PRR14L: variants seen among roughly 807,000 people sequenced by gnomAD.
PRR14L encodes the protein proline rich 14 like, also known as protein PRR14L.
PRR14L carries 80 observed loss-of-function variants against 155.0 expected under a neutral mutation model. That is an observed-to-expected ratio of 0.52 (90% CI 0.43 to 0.62). The LOEUF (loss-of-function observed/expected upper bound fraction) is 0.62, where lower values mean the gene tolerates loss of function less well. Ranked by LOEUF, PRR14L falls within the 20% of genes least tolerant of loss-of-function variation. The probability of loss-of-function intolerance (pLI) is 0.00; values close to 1 mark genes in which losing one functional copy is unlikely to be tolerated. For synonymous variants in PRR14L, 883 were observed against 916.0 expected (o/e 0.96, Z 0.65); for missense variants, 2,469 against 2,548.0 (o/e 0.97, Z 0.67).
At chr22:31,687,674 T>C (rs1028835871) in intron 8 of PRR14L, among the ~76,000 whole-genome samples, 11 of 151,190 alleles carry the variant, frequency 7.3e-5, no homozygotes, top group Non-Finnish European at 1.0e-4. Flanking sequence ...CGTAACCCAA[T>C]ACACTTTATT....
Position 31,683,312 on chromosome 22 carries a change from A to G in PRR14L, c.*2215T>C, listed in dbSNP as rs757243603. ...GGAAACATAGCCGCCACATCACTGC[A>G]TCTATACTGGCAACAGAGCTGGCAA... On this transcript the variant is annotated 3_prime_UTR_variant, in exon 9 of 9. Coordinates refer to ENST00000327423, the MANE Select transcript of PRR14L (RefSeq NM_173566.3). 2.6e-5 allele frequency: 4 copies of G among 152,268 alleles called. No homozygotes were observed. The highest frequency in any genetic ancestry group is 4.4e-5 in the Non-Finnish European group (3 of 68,070). 9.4% of individuals were successfully genotyped at this position (152,268 alleles called of 1,614,324 possible).
chr22:31,739,116 A>G (rs996314830), intron 1 of PRR14L, among the ~76,000 whole-genome samples: 1 of 152,256 alleles, frequency 6.6e-6, no homozygotes, highest in Non-Finnish European at 1.5e-5. Flanking sequence ...ACAGCTCTCA[A>G]TCAAATCTCA....
rs1454764705 is a variant in PRR14L at position 31,738,377 on chromosome 22, C to T, written c.474+10G>A. 1 of 1,547,732 alleles carries T rather than the reference C, an allele frequency of 6.5e-7. No homozygotes were observed. Among genetic ancestry groups the T allele is most frequent in the East Asian group, 2.4e-5 (1 of 40,880 alleles). On this transcript the variant is annotated intron_variant, in intron 2 of 8. Coordinates refer to ENST00000327423, the MANE Select transcript of PRR14L (RefSeq NM_173566.3). ...ACTCAACTCTTCGGAATGGAGATTT[C>T]ATTTCTTACCTGACTCGGGCTAGTC...
At chr22:31,719,733 G>C (rs1180956953) in intron 3 of PRR14L, among the ~76,000 whole-genome samples, 1 of 150,068 alleles carries the variant, frequency 6.7e-6, no homozygotes, top group Non-Finnish European at 1.5e-5. Context: ...TCATGGCTCT[G>C]TGACACTTTT....
intron 7 of PRR14L, among the ~76,000 whole-genome samples, chr22:31,692,651 T>C (rs1357410541): frequency 6.6e-6 from 1 of 151,880 alleles, no homozygotes; most frequent in African/African-American, 2.4e-5. Context: ...TGGGAGAGAG[T>C]TGGGCAGGGG....
Position 31,713,916 on chromosome 22 carries a change from G to A in PRR14L, c.3923C>T (p.Ala1308Val), listed in dbSNP as rs1287154884. ...CTCGTGAGGGTGACAAGCTTTGCAA[G>A]CATTCTTTTCCACACAGGTACATAC... ...DSVCTCVEKN[A>V]CKACHPHENS... Residue 1308 changes from alanine (A) to valine (V), a missense_variant, in exon 4 of 9, where the codon GCT becomes GTT. Around this residue, in one of 2 missense-constraint regions of PRR14L, gnomAD observed 2,363 missense variants for 2,371.6 expected, o/e 1.00. Coordinates refer to ENST00000327423, the MANE Select transcript of PRR14L (RefSeq NM_173566.3). The A allele has an allele frequency of 2.6e-6, 4 of 1,551,900 alleles. No homozygotes were observed. Among genetic ancestry groups the A allele is most frequent in the Admixed American group, 3.9e-5 (2 of 51,000 alleles).
Position 31,722,241 on chromosome 22 carries a change from C to CTCAACTCAACT in PRR14L, c.547+3296_547+3297insAGTTGAGTTGA, listed in dbSNP as rs574515914. ...GGTCAGGAGTTTGAGACAAGTCTGG[C>CTCAACTCAACT]CAACATGGTAAAACTCCGTCTCTAC... On this transcript the variant is annotated intron_variant, in intron 3 of 8. Coordinates refer to ENST00000327423, the MANE Select transcript of PRR14L (RefSeq NM_173566.3). 4.3e-3 allele frequency among the ~76,000 whole-genome samples: 655 copies of CTCAACTCAACT among 151,716 alleles called. 8 individuals are homozygous for CTCAACTCAACT. The highest frequency in any genetic ancestry group is 0.015 in the African/African-American group (624 of 41,402).
chr22:31,734,415 T>C (rs1260960116), intron 2 of PRR14L, among the ~76,000 whole-genome samples: 1 of 152,246 alleles, frequency 6.6e-6, no homozygotes, highest in African/African-American at 2.4e-5. Context: ...GACTGTGGGA[T>C]ATTTTGTCAA....
chr22:31,746,808 T>G (rs1449543425), intron 1 of PRR14L, among the ~76,000 whole-genome samples: 1 of 150,596 alleles, frequency 6.6e-6, no homozygotes, highest in African/African-American at 2.4e-5. Context: ...TTTTTTTTTT[T>G]TTTTTTGAGA....
chr22:31,747,521 T>C, intron 1 of PRR14L, among the ~76,000 whole-genome samples: 1 of 149,374 alleles, frequency 6.7e-6, no homozygotes, highest in East Asian at 2.0e-4. Context: ...GAAAGTTAAG[T>C]GAACTTTCCC....
intron 3 of PRR14L, among the ~76,000 whole-genome samples, chr22:31,723,074 C>T (rs1023443839): frequency 6.6e-6 from 1 of 152,138 alleles, no homozygotes; most frequent in Non-Finnish European, 1.5e-5. Context: ...GAGCCTGCTT[C>T]CTCACATGCA....
At chr22:31,746,698 A>G (rs1459093782) in intron 1 of PRR14L, among the ~76,000 whole-genome samples, 1 of 152,202 alleles carries the variant, frequency 6.6e-6, no homozygotes, top group African/African-American at 2.4e-5. Context: ...AGGAAGTATG[A>G]AAATTATTAT....
rs781402409 is a variant in PRR14L, at chr22:31,712,388, G to A, written c.5451C>T (p.Val1817=). The part of the protein sequence containing the change: ...AIVQTRADCS[V]LGLHTLLALC... ...GTGCTAGAAGTGTGTGAAGGCCAAGGACAGAGCAGTCTGCTCTGGTCTGGA... is the reference window on the plus strand; with the variant it reads ...GTGCTAGAAGTGTGTGAAGGCCAAGAACAGAGCAGTCTGCTCTGGTCTGGA... The change falls in exon 4 of 9, where the codon GTC becomes GTT. Residue 1817 remains valine, a synonymous_variant. Coordinates refer to ENST00000327423, the MANE Select transcript of PRR14L (RefSeq NM_173566.3). 4 of 1,605,766 alleles carry A rather than the reference G, an allele frequency of 2.5e-6. No homozygotes were observed. The East Asian group carries it at 6.7e-5, about 27-fold the overall frequency.
At chr22:31,704,094 G>A (rs977206716) in intron 5 of PRR14L, among the ~76,000 whole-genome samples, 4 of 152,140 alleles carry the variant, frequency 2.6e-5, no homozygotes, top group Non-Finnish European at 5.9e-5. Flanking sequence ...ACCACGCCCA[G>A]CCTCAACTTC....
intron 2 of PRR14L, among the ~76,000 whole-genome samples, chr22:31,726,759 C>T (rs1007689589): frequency 6.6e-6 from 1 of 152,132 alleles, no homozygotes; most frequent in African/African-American, 2.4e-5. Context: ...CACCTACTAA[C>T]TACATGGTGC....
chr22:31,713,142 C>T lies in PRR14L; in HGVS notation c.4697G>A (p.Ser1566Asn). 1.3e-6 allele frequency: 2 copies of T among 1,552,066 alleles called. No individual in the cohort carries two copies. Among genetic ancestry groups the T allele is most frequent in the Non-Finnish European group, 1.7e-6 (2 of 1,147,080 alleles). The change falls in exon 4 of 9, where the codon AGT becomes AAT. Residue 1566 changes from serine to asparagine, a missense_variant. Ser to Asn is a conservative substitution (Grantham distance 46, BLOSUM62 1). Coordinates refer to ENST00000327423, the MANE Select transcript of PRR14L (RefSeq NM_173566.3). ...PIPTKAHRLL[S>N]LCTLSAPTRL... is the part of the protein sequence containing the mutation. ...TGTAGGTGCAGACAGAGTACACAAACTGAGAAGTCTGTGCGCTTTTGTGGG... is the reference window on the plus strand; with the variant it reads ...TGTAGGTGCAGACAGAGTACACAAATTGAGAAGTCTGTGCGCTTTTGTGGG...
chr22:31,697,301 C>CAAAA (rs35748258), intron 7 of PRR14L, among the ~76,000 whole-genome samples: 2 of 58,552 alleles, frequency 3.4e-5, no homozygotes, highest in East Asian at 5.8e-4. Context: ...TACTCTGTCT[C>CAAAA]AAAAAAAAAA....
chr22:31,735,933 G>C (rs112382989), intron 2 of PRR14L, among the ~76,000 whole-genome samples: 5,142 of 151,748 alleles, frequency 0.034, 117 homozygotes, highest in South Asian at 0.064. Context: ...GGCACCTGTA[G>C]TCCCAGCTAC....
At chr22:31,732,093 T>C (rs1293192591) in intron 2 of PRR14L, among the ~76,000 whole-genome samples, 1 of 152,206 alleles carries the variant, frequency 6.6e-6, no homozygotes, top group African/African-American at 2.4e-5. Context: ...TCAAATTCAT[T>C]AGTTTCTGGT....
Sources: allele counts gnomAD v4.1 joint callset (sites outside exome capture counted in the v4.1 genomes callset), GRCh38; gene constraint gnomAD v4.1.1; regional missense constraint gnomAD v4.1.1; transcripts MANE v1.5; gene names NCBI Gene and HGNC (gene_info 2026-07-23, HGNC 2026-07-21).